Variants in KIRREL3 observed in about 807,000 individuals in gnomAD.
The protein encoded by KIRREL3 is kirre like nephrin family adhesion molecule 3.
KIRREL3 carries 36 observed loss-of-function variants against 89.7 expected under a neutral mutation model. The observed-to-expected ratio is 0.40, with a 90% CI of 0.31 to 0.53. KIRREL3 has a LOEUF of 0.53. Among genes scored for constraint, KIRREL3 ranks in the 20% least tolerant of loss-of-function variants. KIRREL3 has a pLI of 0.49. For missense variants in KIRREL3, 864 were observed against 1,056.6 expected (o/e 0.82, Z 2.53); for synonymous variants, 445 against 441.4 (o/e 1.01, Z -0.10).
intron 7 of KIRREL3, among the ~76,000 whole-genome samples, chr11:126,451,294 A>G (rs1225058457): frequency 2.1e-4 from 26 of 123,120 alleles, no homozygotes; most frequent in Middle Eastern, 6.7e-3. Flanking sequence ...GCGTGTGTGC[A>G]TGTGTGCATG....
chr11:126,928,069 G>C (rs1244802451), intron 1 of KIRREL3, among the ~76,000 whole-genome samples: 2 of 152,236 alleles, frequency 1.3e-5, no homozygotes, highest in Non-Finnish European at 2.9e-5. Context: ...CTCACAAGGA[G>C]TTCAGAATCT....
chr11:126,731,469 C>T (rs140499449), intron 1 of KIRREL3, among the ~76,000 whole-genome samples: 4 of 152,346 alleles, frequency 2.6e-5, no homozygotes, highest in Admixed American at 2.0e-4. Flanking sequence ...ACAGCTTGTA[C>T]GTATTCTCAT....
In KIRREL3 at chr11:126,778,744, T is replaced by C. The variant is rs1277133546; in HGVS notation, c.56-215832A>G. ...GTTCAGAGAGTGCTATGTTAGCTCT[T>C]TGTGAACAAAAGCTATCATGCAGGG... is the stretch of plus-strand genomic sequence containing the variant. On this transcript the variant is annotated intron_variant, in intron 1 of 16. Coordinates refer to ENST00000525144, the MANE Select transcript of KIRREL3 (RefSeq NM_032531.4). This position sits in a 1 kb window ranked among gnomAD's most constrained non-coding sequence, Gnocchi z 4.5. 6.6e-6 allele frequency among the ~76,000 whole-genome samples: 1 copy of C among 152,202 alleles called. No homozygotes were observed.
rs1007431199 is a variant in KIRREL3 at position 126,578,769 on chromosome 11, T to C, written c.56-15857A>G. On this transcript the variant is annotated intron_variant, in intron 1 of 16. Transcript: ENST00000525144. The surrounding 1 kb of genome is among the most constrained non-coding windows in gnomAD (Gnocchi z 4.9). The stretch of plus-strand genomic sequence containing the variant: ...CCTGCTCCTTCTGTCTCAATGACTG[T>C]CCCCTGTCCCTGGAGATGTAAAAGT... Among the ~76,000 whole-genome samples the C allele has an allele frequency of 6.6e-6, 1 of 152,224 alleles. No homozygotes were observed. The highest frequency in any genetic ancestry group is 2.1e-4 in the South Asian group (1 of 4,808).
intron 1 of KIRREL3, among the ~76,000 whole-genome samples, chr11:126,777,803 T>G (rs1184313661): frequency 6.6e-6 from 1 of 152,106 alleles, no homozygotes; most frequent in East Asian, 1.9e-4. Flanking sequence ...GCTGTAACTA[T>G]TTATCTCTAG....
intron 1 of KIRREL3, among the ~76,000 whole-genome samples, chr11:126,934,579 A>G (rs1261884659): frequency 6.6e-6 from 1 of 152,220 alleles, no homozygotes; most frequent in Non-Finnish European, 1.5e-5. Context: ...AACGTATAGG[A>G]AACTCTTAAA....
At chr11:126,660,223 A>T (rs1945332979) in intron 1 of KIRREL3, among the ~76,000 whole-genome samples, 1 of 152,138 alleles carries the variant, frequency 6.6e-6, no homozygotes. Context: ...TGCCTCTGTA[A>T]ATACCCTGGG....
intron 1 of KIRREL3, among the ~76,000 whole-genome samples, chr11:126,895,065 G>T (rs150148617): frequency 1.6e-3 from 239 of 152,254 alleles, no homozygotes; most frequent in African/African-American, 5.5e-3. Flanking sequence ...TTAAAACAAG[G>T]AGCTCCCAGG....
chr11:126,748,546 A>T lies in KIRREL3; in HGVS notation c.56-185634T>A, dbSNP rs1949230451. ...CCTGGCTCCGTTCAAGTGCTTAGGC[A>T]GGGACCATTAATATTGTTGAAGGGC... is the stretch of plus-strand genomic sequence containing the variant. On this transcript the variant is annotated intron_variant, in intron 1 of 16. Transcript: ENST00000525144. The surrounding 1 kb of genome is among the most constrained non-coding windows in gnomAD (Gnocchi z 4.6). Among the ~76,000 whole-genome samples the T allele has an allele frequency of 2.0e-5, 3 of 152,164 alleles. No homozygotes were observed. Among genetic ancestry groups the T allele is most frequent in the African/African-American group, 7.2e-5 (3 of 41,446 alleles).
intron 1 of KIRREL3, among the ~76,000 whole-genome samples, chr11:126,707,195 C>T (rs1432213051): frequency 6.6e-6 from 1 of 150,836 alleles, no homozygotes; most frequent in Admixed American, 6.6e-5. Flanking sequence ...ATCCTCCCGC[C>T]TCAGCCTCTC....
At chr11:126,435,737 G>A (rs930629302) in intron 12 of KIRREL3, among the ~76,000 whole-genome samples, 1 of 152,206 alleles carries the variant, frequency 6.6e-6, no homozygotes, top group Non-Finnish European at 1.5e-5. Context: ...TTGACCCATA[G>A]GTGTGATCCT....
chr11:126,821,351 A>ATATATATATATATATATATATATCTGTG (rs756545626), intron 1 of KIRREL3, among the ~76,000 whole-genome samples: 1 of 105,232 alleles, frequency 9.5e-6, no homozygotes, highest in Non-Finnish European at 1.9e-5. Context: ...ATATATATAT[A>ATATATATATATATATATATATATCTGTG]TGTAACTTCC....
At chr11:126,619,882 C>G (rs746435887) in intron 1 of KIRREL3, among the ~76,000 whole-genome samples, 4 of 152,194 alleles carry the variant, frequency 2.6e-5, no homozygotes, top group Non-Finnish European at 5.9e-5. Context: ...GGAACTGACC[C>G]AGCACAGGCA....
intron 1 of KIRREL3, among the ~76,000 whole-genome samples, chr11:126,792,504 C>A (rs911934663): frequency 3.3e-5 from 5 of 152,178 alleles, no homozygotes; most frequent in Admixed American, 2.0e-4. Flanking sequence ...CCACTGGACT[C>A]TTAAGTTGAA....
chr11:126,450,351 A>AG (rs1448456728), intron 7 of KIRREL3, among the ~76,000 whole-genome samples: 4 of 136,182 alleles, frequency 2.9e-5, no homozygotes, highest in Non-Finnish European at 6.3e-5. Flanking sequence ...ATGTGTGTCC[A>AG]TGTGCATGTG....
In KIRREL3 at chr11:126,551,652, C is replaced by CT. The variant is rs35323126; in HGVS notation, c.133+11182dup. 0.23 allele frequency among the ~76,000 whole-genome samples: 31,770 copies of CT among 135,854 alleles called. 4,597 individuals carry two copies. Among genetic ancestry groups the CT allele is most frequent in the African/African-American group, 0.38 (13,943 of 36,322 alleles). 89.1% of individuals were successfully genotyped at this position (135,854 alleles called of 152,430 possible). On this transcript the variant is annotated intron_variant, in intron 2 of 16. Transcript: ENST00000525144. The surrounding 1 kb of genome is among the most constrained non-coding windows in gnomAD (Gnocchi z 4.9). ...GGGTGAGGCCACTCAGGTTTGCAGG[C>CT]TTTTTTTTTTTTTTTTGAGACAGAG...
At position 126,872,327 on chromosome 11, in the gene KIRREL3, A is replaced by T. The variant is rs1448937591; in HGVS notation, c.55+128128T>A. Among the ~76,000 whole-genome samples the T allele has an allele frequency of 6.6e-6, 1 of 152,220 alleles. No individual in the cohort carries two copies. The highest frequency in any genetic ancestry group is 1.5e-5 in the Non-Finnish European group (1 of 68,034). On this transcript the variant is annotated intron_variant, in intron 1 of 16. Coordinates refer to ENST00000525144, the MANE Select transcript of KIRREL3 (RefSeq NM_032531.4). The surrounding 1 kb of genome is among the most constrained non-coding windows in gnomAD (Gnocchi z 4.2). ...TCTAAGTAACCACCTCTTAATTTGC[A>T]TGTAAATAAAGGGGGTATAAACACA...
chr11:126,632,874 T>A (rs1156744825), intron 1 of KIRREL3, among the ~76,000 whole-genome samples: 2 of 148,130 alleles, frequency 1.4e-5, no homozygotes, highest in African/African-American at 5.0e-5. Flanking sequence ...GGCAGATCAC[T>A]TGAGGTCAGG....
chr11:126,772,508 G>A lies in KIRREL3; in HGVS notation c.56-209596C>T, dbSNP rs1465447855. ...TCTGCTATTCTGATGACCTGAAATG[G>A]CATGTGTGTGACATGTGTGTTTCAC... On this transcript the variant is annotated intron_variant, in intron 1 of 16. Coordinates refer to ENST00000525144, the MANE Select transcript of KIRREL3 (RefSeq NM_032531.4). The surrounding 1 kb of genome is among the most constrained non-coding windows in gnomAD (Gnocchi z 4.6). Among the ~76,000 whole-genome samples, 1 of 152,192 alleles carries A rather than the reference G, an allele frequency of 6.6e-6. No individual in the cohort carries two copies. Among genetic ancestry groups the A allele is most frequent in the African/African-American group, 2.4e-5 (1 of 41,446 alleles).
Sources: gnomAD v4.1 joint callset for allele counts (sites outside exome capture counted in the v4.1 genomes callset) on GRCh38, gnomAD v4.1.1 for gene constraint, Gnocchi (gnomAD v3.1) non-coding constraint, MANE v1.5 for transcripts, NCBI Gene and HGNC (gene_info 2026-07-23, HGNC 2026-07-21) for gene names.